DPYS: variants seen among roughly 807,000 people sequenced by gnomAD.
DPYS encodes the protein dihydropyrimidine amidohydrolase.
In DPYS, 39 loss-of-function variants were observed where a neutral mutation model predicts 50.3. That is an observed-to-expected ratio of 0.78 (90% CI 0.60 to 1.01). The LOEUF (loss-of-function observed/expected upper bound fraction) is 1.01. Ranked by LOEUF, DPYS falls within the 50% of genes least tolerant of loss-of-function variation. The probability of loss-of-function intolerance (pLI) is 0.00; values close to 1 mark genes in which losing one functional copy is unlikely to be tolerated. For synonymous variants in DPYS, 245 were observed against 250.7 expected (o/e 0.98, Z 0.22); for missense variants, 659 against 680.9 (o/e 0.97, Z 0.36).
intron 7 of DPYS, among the ~76,000 whole-genome samples, chr8:104,404,670 G>A (rs1236611669): frequency 2.0e-5 from 3 of 152,260 alleles, no homozygotes; most frequent in Non-Finnish European, 4.4e-5. Flanking sequence ...AATGACAGGA[G>A]TCTGACCTCA....
At chr8:104,415,536 C>G (rs1477206630) in intron 7 of DPYS, among the ~76,000 whole-genome samples, 1 of 150,622 alleles carries the variant, frequency 6.6e-6, no homozygotes, top group Non-Finnish European at 1.5e-5. Flanking sequence ...AAATTGTATG[C>G]ATATGTAATC....
chr8:104,435,252 T>C (rs138130770), intron 4 of DPYS, among the ~76,000 whole-genome samples: 2,328 of 152,242 alleles, frequency 0.015, 30 homozygotes, highest in Middle Eastern at 0.044. Context: ...AAGTGGGTGA[T>C]AGAAGTCAGG....
At chr8:104,431,023 C>T (rs928168020) in intron 4 of DPYS, among the ~76,000 whole-genome samples, 3 of 152,118 alleles carry the variant, frequency 2.0e-5, no homozygotes, top group African/African-American at 7.2e-5. Flanking sequence ...AAGATGGACA[C>T]GATATTTTAT....
intron 6 of DPYS, among the ~76,000 whole-genome samples, chr8:104,427,266 C>T (rs539873948): frequency 7.3e-4 from 109 of 148,392 alleles, no homozygotes; most frequent in African/African-American, 2.6e-3. Flanking sequence ...ATGAGCATAA[C>T]GAATACGCTT....
chr8:104,414,956 G>C (rs1202409868), intron 7 of DPYS, among the ~76,000 whole-genome samples: 1 of 152,186 alleles, frequency 6.6e-6, no homozygotes, highest in African/African-American at 2.4e-5. Flanking sequence ...CACTGCTTTG[G>C]GGAAGAAGAC....
rs3039791 is a variant in DPYS at position 104,395,848 on chromosome 8, CAAA to C, written c.1236-2860_1236-2858del. On this transcript the variant is annotated intron_variant, in intron 7 of 9. Transcript: ENST00000351513. ...GTCATATTTTAAGTGTATGCTGCAG[CAAA>C]AAAAAAAAAAGAGCTTTCAGTGACC... Among the ~76,000 whole-genome samples, 293 of 148,008 alleles carry C rather than the reference CAAA, an allele frequency of 2.0e-3. 1 individual carries two copies. The highest frequency in any genetic ancestry group is 3.7e-3 in the African/African-American group (151 of 40,362).
In DPYS at chr8:104,443,311, G is replaced by A. The variant is rs190229357; in HGVS notation, c.793+937C>T. Among the ~76,000 whole-genome samples, 413 of 151,846 alleles carry A rather than the reference G, an allele frequency of 2.7e-3. 5 individuals are homozygous for A. The highest frequency in any genetic ancestry group is 9.3e-3 in the African/African-American group (383 of 41,386). ...ATAGGAGATTTTCTCTTTCCTTTAA[G>A]ATGAGTATTTACATACTAGGCTGAA... On this transcript the variant is annotated intron_variant, in intron 4 of 9. Coordinates refer to ENST00000351513, the MANE Select transcript of DPYS (RefSeq NM_001385.3).
intron 7 of DPYS, among the ~76,000 whole-genome samples, chr8:104,399,964 C>T (rs1316353954): frequency 4.0e-5 from 6 of 151,388 alleles, no homozygotes; most frequent in Non-Finnish European, 8.8e-5. Context: ...TTTCCCTAAC[C>T]AAGAGATGGG....
At chr8:104,414,294 T>C (rs1812293961) in intron 7 of DPYS, among the ~76,000 whole-genome samples, 1 of 152,194 alleles carries the variant, frequency 6.6e-6, no homozygotes, top group South Asian at 2.1e-4. Flanking sequence ...TATCTAATTT[T>C]ATGACTCTAA....
chr8:104,463,528 C>T (rs1305805858), intron 1 of DPYS, among the ~76,000 whole-genome samples: 2 of 152,194 alleles, frequency 1.3e-5, no homozygotes, highest in African/African-American at 2.4e-5. Flanking sequence ...TCAGGCAGTA[C>T]TAAATTTGAA....
chr8:104,455,221 A>G (rs894109750), intron 1 of DPYS, among the ~76,000 whole-genome samples: 1 of 152,214 alleles, frequency 6.6e-6, no homozygotes, highest in African/African-American at 2.4e-5. Flanking sequence ...GCAGGGTTGG[A>G]ATCTGAGTCA....
At chr8:104,439,802 C>T (rs761122503) in intron 4 of DPYS, among the ~76,000 whole-genome samples, 9 of 151,984 alleles carry the variant, frequency 5.9e-5, no homozygotes, top group Non-Finnish European at 1.3e-4. Flanking sequence ...ATAAATAAAC[C>T]CCAAACCCAT....
intron 4 of DPYS, among the ~76,000 whole-genome samples, chr8:104,436,644 C>G (rs1386375063): frequency 6.6e-6 from 1 of 151,772 alleles, no homozygotes; most frequent in African/African-American, 2.4e-5. Context: ...TAGAAAGAAA[C>G]AGAGTAACCC....
intron 4 of DPYS, among the ~76,000 whole-genome samples, chr8:104,431,836 A>G (rs143908942): frequency 6.6e-6 from 1 of 152,324 alleles, no homozygotes; most frequent in East Asian, 1.9e-4. Context: ...AGCCAGAATT[A>G]CAGTCATAGT....
chr8:104,402,230 T>C (rs1183418464), intron 7 of DPYS, among the ~76,000 whole-genome samples: 1 of 152,232 alleles, frequency 6.6e-6, no homozygotes, highest in African/African-American at 2.4e-5. Context: ...AGAGGTATTT[T>C]ATATATGTAT....
intron 7 of DPYS, among the ~76,000 whole-genome samples, chr8:104,397,965 C>G (rs1811647689): frequency 1.3e-5 from 2 of 152,180 alleles, no homozygotes; most frequent in Admixed American, 6.5e-5. Flanking sequence ...CACTACCAAA[C>G]AGTGTTTAAA....
At position 104,430,320 on chromosome 8, in the gene DPYS, T is replaced by C. The variant is rs548173810; in HGVS notation, c.794-619A>G. ...AAAGAACACTCAGATAATAAAGTCT[T>C]AGCCAGAAATGCGTATTTTAAAAAT... On this transcript the variant is annotated intron_variant, in intron 4 of 9. Transcript: ENST00000351513. Among the ~76,000 whole-genome samples, 54 of 151,986 alleles carry C rather than the reference T, an allele frequency of 3.6e-4. 2 individuals are homozygous for C. The South Asian group carries it at 0.011, about 31-fold the overall frequency.
At chr8:104,427,580 C>T (rs1812775897) in intron 6 of DPYS, among the ~76,000 whole-genome samples, 1 of 151,878 alleles carries the variant, frequency 6.6e-6, no homozygotes, top group South Asian at 2.1e-4. Context: ...CACCCTGCCC[C>T]TTCGTGTATT....
chr8:104,430,768 G>C (rs1046534112), intron 4 of DPYS, among the ~76,000 whole-genome samples: 1 of 152,134 alleles, frequency 6.6e-6, no homozygotes, highest in Non-Finnish European at 1.5e-5. Flanking sequence ...GCTTATTGAA[G>C]CCTAAGAACT....
Sources: allele counts gnomAD v4.1 joint callset (sites outside exome capture counted in the v4.1 genomes callset), GRCh38; gene constraint gnomAD v4.1.1; transcripts MANE v1.5; gene names NCBI Gene and HGNC (gene_info 2026-07-23, HGNC 2026-07-21).